The following SLC71A1 variants were observed in gnomAD, a reference collection of about 807,000 sequenced individuals.
SLC71A1 encodes the protein hippocampus abundant gene transcript 1.
chr1:100,053,831 A>G, the SLC71A1 span, among the ~76,000 whole-genome samples: 1 of 152,216 alleles, frequency 6.6e-6, no homozygotes, highest in Non-Finnish European at 1.5e-5. Context: ...AGCTAAAAAG[A>G]AGGATTTTGT....
the SLC71A1 span, among the ~76,000 whole-genome samples, chr1:100,051,413 AT>A: frequency 6.6e-6 from 1 of 151,670 alleles, no homozygotes; most frequent in Non-Finnish European, 1.5e-5. Context: ...CATTTTGAAT[AT>A]ATAGAGCATG....
At chr1:100,038,106 G>A in the SLC71A1 span, 6 of 780,654 alleles carry the variant, frequency 7.7e-6, no homozygotes, top group African/African-American at 5.2e-5. Flanking sequence ...GAGGCAGGCC[G>A]GGCCCTCAAG....
At chr1:100,066,303 A>G in the SLC71A1 span, among the ~76,000 whole-genome samples, 7 of 152,208 alleles carry the variant, frequency 4.6e-5, no homozygotes, top group Admixed American at 4.6e-4. Flanking sequence ...GTATGTATCA[A>G]GATAAACGTT....
the SLC71A1 span, chr1:100,038,148 G>T: frequency 3.3e-6 from 4 of 1,223,392 alleles, no homozygotes; most frequent in South Asian, 1.3e-5. Context: ...GGCTCGGCCC[G>T]GCAGTAGTGG....
At chr1:100,047,115 A>G in the SLC71A1 span, among the ~76,000 whole-genome samples, 1 of 152,150 alleles carries the variant, frequency 6.6e-6, no homozygotes, top group African/African-American at 2.4e-5. Flanking sequence ...GAGTGGCGAA[A>G]GTGGGCATCT....
the SLC71A1 span, chr1:100,060,108 T>TA: frequency 9.2e-7 from 1 of 1,090,206 alleles, no homozygotes; most frequent in South Asian, 1.8e-5. Flanking sequence ...TTATGAGGTT[T>TA]TAATTTTATT....
At chr1:100,074,104 C>G in the SLC71A1 span, among the ~76,000 whole-genome samples, 1 of 152,080 alleles carries the variant, frequency 6.6e-6, no homozygotes. Flanking sequence ...TTGTAAGTAT[C>G]GGTGTCTTTT....
At chr1:100,077,317 G>A in the SLC71A1 span, 2 of 1,046,592 alleles carry the variant, frequency 1.9e-6, no homozygotes, top group Non-Finnish European at 1.5e-6. Flanking sequence ...TTTAATTTTG[G>A]TGTTAGCCCT....
At chr1:100,049,783 T>G in the SLC71A1 span, 6 of 571,208 alleles carry the variant, frequency 1.1e-5, no homozygotes, top group South Asian at 1.4e-4. Context: ...TACAGATGTT[T>G]GACACAGTGC....
chr1:100,066,908 A>G, the SLC71A1 span, among the ~76,000 whole-genome samples: 52 of 151,162 alleles, frequency 3.4e-4, no homozygotes, highest in South Asian at 0.01. Context: ...AGAATGGCGT[A>G]AACCCCGGGG....
chr1:100,071,957 C>CCGCAAAG, the SLC71A1 span, among the ~76,000 whole-genome samples: 1 of 152,212 alleles, frequency 6.6e-6, no homozygotes, highest in Admixed American at 6.5e-5. Context: ...GGCAGTAAGA[C>CCGCAAAG]CGCAAAGGTG....
the SLC71A1 span, chr1:100,049,878 TTAACTTTTTA>T: frequency 2.5e-6 from 3 of 1,204,618 alleles, no homozygotes; most frequent in East Asian, 7.0e-5. Context: ...TTAACTTTTT[TTAACTTTTTA>T]AAAAATCTTG....
chr1:100,039,964 G>A, the SLC71A1 span, among the ~76,000 whole-genome samples: 1 of 152,244 alleles, frequency 6.6e-6, no homozygotes, highest in African/African-American at 2.4e-5. Context: ...CTATTATTAA[G>A]GTTGTAATTA....
chr1:100,063,000 T>C, the SLC71A1 span, among the ~76,000 whole-genome samples: 1 of 151,538 alleles, frequency 6.6e-6, no homozygotes, highest in Non-Finnish European at 1.5e-5. Flanking sequence ...ACAAGGCTGA[T>C]GATAGCCAGG....
chr1:100,073,500 G>T, the SLC71A1 span, among the ~76,000 whole-genome samples: 2 of 152,122 alleles, frequency 1.3e-5, no homozygotes, highest in Non-Finnish European at 1.5e-5. Flanking sequence ...TGCATAACTA[G>T]GTCTCTCCCC....
the SLC71A1 span, among the ~76,000 whole-genome samples, chr1:100,043,937 T>C: frequency 2.6e-5 from 4 of 152,270 alleles, no homozygotes; most frequent in Non-Finnish European, 5.9e-5. Context: ...CCACATTTTC[T>C]TTATCCACTT....
the SLC71A1 span, among the ~76,000 whole-genome samples, chr1:100,048,248 A>G: frequency 6.6e-6 from 1 of 151,398 alleles, no homozygotes; most frequent in Non-Finnish European, 1.5e-5. Flanking sequence ...GTGGGATCTC[A>G]ACTCACTGCA....
At chr1:100,051,730 A>G in the SLC71A1 span, among the ~76,000 whole-genome samples, 3 of 152,188 alleles carry the variant, frequency 2.0e-5, no homozygotes, top group Non-Finnish European at 4.4e-5. Context: ...TAACATACAA[A>G]TCTGTCTGGT....
chr1:100,081,958 TA>T, the SLC71A1 span: 1 of 1,457,792 alleles, frequency 6.9e-7, no homozygotes, highest in East Asian at 2.3e-5. Context: ...TCCTTATGAG[TA>T]AAAGTATTTG....
Sources: allele counts gnomAD v4.1 joint callset (sites outside exome capture counted in the v4.1 genomes callset), GRCh38; gene constraint gnomAD v4.1.1; transcripts MANE v1.5; gene names NCBI Gene and HGNC (gene_info 2026-07-23, HGNC 2026-07-21).